NLRP9: variants seen among roughly 807,000 people sequenced by gnomAD.
The protein encoded by NLRP9 is NLR family pyrin domain containing 9.
NLRP9 carries 88 observed loss-of-function variants against 83.1 expected under a neutral mutation model. The observed-to-expected ratio is 1.06, with a 90% CI of 0.89 to 1.26. The LOEUF is 1.26. NLRP9 is among the 50% of genes most tolerant of loss of function. NLRP9 has a pLI of 0.00. For synonymous variants in NLRP9, 521 were observed against 447.6 expected (o/e 1.16, Z -2.07); for missense variants, 1,308 against 1,179.3 (o/e 1.11, Z -1.60).
intron 2 of NLRP9, among the ~76,000 whole-genome samples, chr19:55,730,699 C>T (rs1195665054): frequency 3.3e-5 from 5 of 152,042 alleles, no homozygotes; most frequent in African/African-American, 1.2e-4. Flanking sequence ...TAAGTAGGAG[C>T]TGAATGATGA....
intron 2 of NLRP9, among the ~76,000 whole-genome samples, chr19:55,730,646 C>T (rs371148795): frequency 3.9e-5 from 6 of 152,076 alleles, no homozygotes; most frequent in East Asian, 3.9e-4. Flanking sequence ...CCTTAGCAAA[C>T]GAATGCAGGG....
At chr19:55,737,807 T>C (rs1223721705) in intron 1 of NLRP9, among the ~76,000 whole-genome samples, 4 of 144,712 alleles carry the variant, frequency 2.8e-5, no homozygotes, top group Non-Finnish European at 6.0e-5. Flanking sequence ...GACCTGGCAA[T>C]GCAGACACTA....
chr19:55,733,303 C>A lies in NLRP9; in HGVS notation c.528G>T (p.Lys176Asn). Residue 176 changes from lysine (K) to asparagine (N), a missense_variant, in exon 2 of 9, where the codon AAG (lysine) becomes AAT (asparagine). Physicochemically the swap from Lys to Asn is moderately conservative, Grantham distance 94. Transcript: ENST00000332836. ...MLDWAEGNLW[K>N]DRFTFVFFLN... is the part of the protein sequence containing the mutation. ...GGAAAAACACAAATGTGAACCTGTC[C>A]TTCCATAAGTTTCCCTCTGCCCAGT... 6.2e-7 allele frequency: 1 copy of A among 1,614,000 alleles called. No individual in the cohort carries two copies. Among genetic ancestry groups the A allele is most frequent in the Non-Finnish European group, 8.5e-7 (1 of 1,179,842 alleles).
At chr19:55,719,341 C>T (rs955012017) in intron 4 of NLRP9, among the ~76,000 whole-genome samples, 12 of 152,180 alleles carry the variant, frequency 7.9e-5, no homozygotes, top group East Asian at 1.9e-4. Context: ...TTAGTAGAGA[C>T]GGGGTTTCAC....
Position 55,711,111 on chromosome 19 carries a change from A to AAC in NLRP9, c.2843+688_2843+689insGT, listed in dbSNP as rs1369043187. 4.0e-4 allele frequency among the ~76,000 whole-genome samples: 61 copies of AAC among 150,646 alleles called. No homozygotes were observed. In the East Asian group the frequency reaches 5.6e-3, roughly 14 times the overall value. ...AAAAAAACAAAACAAAACAAAACAAAAAAAAAACCTTAAACAACATATTGT... is the reference window on the plus strand; with the variant it reads ...AAAAAAACAAAACAAAACAAAACAAAACAAAAAAACCTTAAACAACATATTGT... On this transcript the variant is annotated intron_variant, in intron 8 of 8. Coordinates refer to ENST00000332836, the MANE Select transcript of NLRP9 (RefSeq NM_176820.4).
chr19:55,712,284 G>C (rs974995503), intron 7 of NLRP9, 136 bp downstream of exon 7: 100 of 754,794 alleles, frequency 1.3e-4, no homozygotes, highest in Middle Eastern at 1.1e-3. Flanking sequence ...AAACCCTGGG[G>C]CAGCATTTTA....
chr19:55,736,313 C>T (rs1199171240), intron 1 of NLRP9, among the ~76,000 whole-genome samples: 1 of 151,974 alleles, frequency 6.6e-6, no homozygotes, highest in African/African-American at 2.4e-5. Flanking sequence ...ATGGTGGGAA[C>T]CCGGGAGGCA....
chr19:55,719,618 T>C (rs935280399), intron 4 of NLRP9, among the ~76,000 whole-genome samples: 3 of 152,258 alleles, frequency 2.0e-5, no homozygotes, highest in Non-Finnish European at 4.4e-5. Flanking sequence ...CTAATTATCT[T>C]CTGTGCCGCA....
At chr19:55,716,624 C>A in intron 5 of NLRP9, 104 bp downstream of exon 5, 1 of 916,692 alleles carries the variant, frequency 1.1e-6, no homozygotes, top group East Asian at 2.4e-5. Flanking sequence ...ACGGATTCCG[C>A]ATTCTGCTGC....
chr19:55,737,527 A>G (rs1021602710), intron 1 of NLRP9: 2 of 152,770 alleles, frequency 1.3e-5, no homozygotes, highest in African/African-American at 2.4e-5. Context: ...AGCTCGCAAG[A>G]ATGCTTCCTG....
At chr19:55,735,676 T>G (rs1397732986) in intron 1 of NLRP9, among the ~76,000 whole-genome samples, 4 of 151,924 alleles carry the variant, frequency 2.6e-5, no homozygotes, top group Non-Finnish European at 1.5e-5. Context: ...CAAAACACTA[T>G]GCTATTTATT....
At chr19:55,726,780 G>A (rs1450587668) in intron 3 of NLRP9, among the ~76,000 whole-genome samples, 1 of 152,120 alleles carries the variant, frequency 6.6e-6, no homozygotes, top group African/African-American at 2.4e-5. Flanking sequence ...CGATGTTGAA[G>A]GAATGAGCTC....
chr19:55,724,166 A>G (rs1988328236), intron 3 of NLRP9, 22 bp from the exon 4 acceptor site: 2 of 1,556,486 alleles, frequency 1.3e-6, no homozygotes, highest in Admixed American at 1.8e-5. Context: ...TAAAAAAAAA[A>G]TAGCATCATG....
chr19:55,718,581 G>C (rs564996915), intron 4 of NLRP9, among the ~76,000 whole-genome samples: 123 of 152,316 alleles, frequency 8.1e-4, no homozygotes, highest in Non-Finnish European at 1.4e-3. Context: ...GCACATACGG[G>C]CACAGTACCT....
At chr19:55,734,918 A>G (rs1052451193) in intron 1 of NLRP9, among the ~76,000 whole-genome samples, 1 of 152,172 alleles carries the variant, frequency 6.6e-6, no homozygotes, top group Non-Finnish European at 1.5e-5. Context: ...TACAGGCGTA[A>G]GCCACCATGC....
chr19:55,733,033 A>T lies in NLRP9; in HGVS notation c.798T>A (p.Leu266=). The T allele has an allele frequency of 6.2e-7, 1 of 1,613,640 alleles. No homozygotes were observed. The highest frequency in any genetic ancestry group is 8.5e-7 in the Non-Finnish European group (1 of 1,179,914). The change falls in exon 2 of 9, where the codon CTT becomes CTA. Residue 266 remains leucine, a synonymous_variant. Coordinates refer to ENST00000332836, the MANE Select transcript of NLRP9 (RefSeq NM_176820.4). The part of the protein sequence containing the change: ...ILSSLLQKKM[L]PESSLLIALG... The stretch of plus-strand genomic sequence containing the variant: ...ATGCAATAAGGAGAGAGGATTCTGG[A>T]AGCATCTTTTTTTGCAACAAACTGC...
Position 55,733,503 on chromosome 19 carries a change from T to G in NLRP9, c.328A>C (p.Ile110Leu), listed in dbSNP as rs1449569117. Residue 110 changes from isoleucine to leucine, a missense_variant, in exon 2 of 9, where the codon ATA (isoleucine) becomes CTA (leucine). Coordinates refer to ENST00000332836, the MANE Select transcript of NLRP9 (RefSeq NM_176820.4). Reference sequence around the variant, plus strand: ...TGAAGACAGGTTTCCTTCTCCCATATGAGTTGAAATGTTTCCTTCATATGC... The same window carrying G: ...TGAAGACAGGTTTCCTTCTCCCATAGGAGTTGAAATGTTTCCTTCATATGC... The part of the protein sequence containing the change: ...RKHMKETFQL[I>L]WEKETCLHVP... 1 of 1,609,240 alleles carries G rather than the reference T, an allele frequency of 6.2e-7. No individual in the cohort carries two copies. The highest frequency in any genetic ancestry group is 1.3e-5 in the African/African-American group (1 of 74,630).
chr19:55,732,020 T>A lies in NLRP9; in HGVS notation c.1811A>T (p.Asp604Val). ...TCACTCTGAGATGCATCCTGAGTCA[T>A]CTGGAAAGATATTCTCCACACACAT... ...LRMCVENIFP[D>V]DSGCISDYNE... The change falls in exon 2 of 9, where the codon GAT becomes GTT. Residue 604 changes from aspartate (D) to valine (V), a missense_variant. By Grantham distance (152) the Asp-to-Val change is radical. Transcript: ENST00000332836. 6.4e-7 allele frequency: 1 copy of A among 1,574,088 alleles called. No individual in the cohort carries two copies. The highest frequency in any genetic ancestry group is 1.4e-5 in the African/African-American group (1 of 73,574).
chr19:55,719,159 G>A (rs1988138429), intron 4 of NLRP9, among the ~76,000 whole-genome samples: 1 of 152,168 alleles, frequency 6.6e-6, no homozygotes, highest in South Asian at 2.1e-4. Flanking sequence ...CCTTCCTTGG[G>A]TTAGACTGAT....
Sources: gnomAD v4.1 joint callset for allele counts (sites outside exome capture counted in the v4.1 genomes callset) on GRCh38, gnomAD v4.1.1 for gene constraint, MANE v1.5 for transcripts, NCBI Gene and HGNC (gene_info 2026-07-23, HGNC 2026-07-21) for gene names.